CRLF2: variants seen among roughly 807,000 people sequenced by gnomAD.
CRLF2 encodes cytokine receptor-like factor 2.
Under a neutral mutation model 38.7 loss-of-function variants are expected in CRLF2, and 41 were observed. The ratio of observed to expected loss-of-function variants is 1.06; its 90% confidence interval spans 0.83 to 1.37. The LOEUF (loss-of-function observed/expected upper bound fraction) is 1.37. Among genes scored for constraint, CRLF2 ranks in the 40% most tolerant of loss-of-function variants. The pLI is 0.00. For missense variants in CRLF2, 377 were observed against 322.2 expected (o/e 1.17, Z -1.30); for synonymous variants, 140 against 128.8 (o/e 1.09, Z -0.59).
chrX:1,208,236 ACT>A (rs1323773338), intron 2 of CRLF2, among the ~76,000 whole-genome samples: 1 of 151,966 alleles, frequency 6.6e-6, no homozygotes, highest in Admixed American at 6.6e-5. Flanking sequence ...GGTGAACAAA[ACT>A]CTCTGTTAAT....
intron 6 of CRLF2, among the ~76,000 whole-genome samples, chrX:1,195,906 T>C (rs1308463996): frequency 1.4e-5 from 2 of 141,354 alleles, no homozygotes; most frequent in Non-Finnish European, 3.0e-5. Flanking sequence ...TAAATATGTA[T>C]TTATATATTT....
chrX:1,209,401 G>A (rs1412763199), intron 1 of CRLF2, among the ~76,000 whole-genome samples: 13 of 151,142 alleles, frequency 8.6e-5, no homozygotes, highest in African/African-American at 3.2e-4. Flanking sequence ...GCGCAATCTC[G>A]GCTCACTGCA....
At chrX:1,197,767 C>T (rs9330635) in intron 5 of CRLF2, among the ~76,000 whole-genome samples, 87,381 of 150,926 alleles carry the variant, frequency 0.58, 25,958 homozygotes, top group East Asian at 0.78. Context: ...TGAGCCAAGA[C>T]CGTGCCACTG....
In CRLF2 at chrX:1,198,424, C is replaced by A; in HGVS notation, c.646+138G>T. 3 of 673,486 alleles carry A rather than the reference C, an allele frequency of 4.5e-6. No homozygotes were observed. The South Asian group carries it at 4.9e-5, about 11-fold the overall frequency. 41.7% of individuals were successfully genotyped at this position (673,486 alleles called of 1,614,324 possible). On this transcript the variant is annotated intron_variant, in intron 5 of 7. Coordinates refer to ENST00000400841, the MANE Select transcript of CRLF2 (RefSeq NM_022148.4). Reference sequence around the variant, plus strand: ...CGAAGGCAGGACACCCTCCCTCCCACCTCCCAGGAAGGCAGGACACCCTCC... The same window carrying A: ...CGAAGGCAGGACACCCTCCCTCCCAACTCCCAGGAAGGCAGGACACCCTCC...
rs1354890401 is a variant in CRLF2 at position 1,193,391 on chromosome X, G to T, written c.768-89C>A. ...GCACCTACAGGGCATGGACCCCAGGGACAGACCAAGAATGGCAGAGCGGGG... is the reference window on the plus strand; with the variant it reads ...GCACCTACAGGGCATGGACCCCAGGTACAGACCAAGAATGGCAGAGCGGGG... On this transcript the variant is annotated intron_variant, in intron 6 of 7. Transcript: ENST00000400841. The T allele has an allele frequency of 5.0e-5, 20 of 397,886 alleles. 1 individual carries two copies. In the East Asian group the frequency reaches 6.8e-4, roughly 13 times the overall value. The allele number at this position is 397,886 out of a possible 1,614,324, so 24.6% of individuals were successfully genotyped here.
chrX:1,207,503 C>T (rs1355619572), intron 2 of CRLF2, among the ~76,000 whole-genome samples: 4 of 8,038 alleles, frequency 5.0e-4, no homozygotes, highest in Non-Finnish European at 9.0e-4. Context: ...GGTGATCCAC[C>T]CCCCCCCCCC....
At chrX:1,193,665 C>T (rs2086431736) in intron 6 of CRLF2, among the ~76,000 whole-genome samples, 2 of 151,730 alleles carry the variant, frequency 1.3e-5, no homozygotes, top group South Asian at 4.2e-4. Context: ...ACCTGTAGTC[C>T]CAGCTACTCG....
At chrX:1,198,509 C>T in intron 5 of CRLF2, 53 bp downstream of exon 5, 1 of 1,602,936 alleles carries the variant, frequency 6.2e-7, no homozygotes, top group Non-Finnish European at 8.5e-7. Context: ...GTGGCTATGC[C>T]TACTCCAGCC....
chrX:1,209,304 G>GTGTAT (rs2086750378), intron 1 of CRLF2, among the ~76,000 whole-genome samples: 4 of 134,346 alleles, frequency 3.0e-5, no homozygotes, highest in African/African-American at 1.3e-4. Flanking sequence ...TTGTAGTGTA[G>GTGTAT]TGTAGTGTAG....
rs1180483734 is a variant in CRLF2 at position 1,210,110 on chromosome X, AAAAAAG to A, written c.80-1208_80-1203del. ...CACAGCAAGACTCCCTATCAAAAAA[AAAAAAG>A]AAAAGAAAAGAAAAGAAAAGAAAAG... On this transcript the variant is annotated intron_variant, in intron 1 of 7. Transcript: ENST00000400841. Among the ~76,000 whole-genome samples, 104 of 98,054 alleles carry A rather than the reference AAAAAAG, an allele frequency of 1.1e-3. 1 individual carries two copies. The highest frequency in any genetic ancestry group is 4.0e-3 in the African/African-American group (95 of 23,544). 64.3% of individuals were successfully genotyped at this position (98,054 alleles called of 152,430 possible). A position where few individuals can be genotyped will look rare whatever the true frequency, so the allele number is the denominator to read the frequency against.
rs1569468831 is a variant in CRLF2, at chrX:1,198,154, TCGAAGGCAGGACACCC to T, written c.646+392_646+407del. ...AAGGCAGGACACCCTCCCTCCCACC[TCGAAGGCAGGACACCC>T]TCCCTCCCACCTCCCAGGAAGGCAG... On this transcript the variant is annotated intron_variant, in intron 5 of 7. Transcript: ENST00000400841. Among the ~76,000 whole-genome samples the T allele has an allele frequency of 6.9e-3, 839 of 122,278 alleles. 5 individuals carry two copies. The highest frequency in any genetic ancestry group is 8.8e-3 in the Middle Eastern group (2 of 228). The allele number at this position is 122,278 out of a possible 152,430, so 80.2% of individuals were successfully genotyped here.
chrX:1,197,174 C>G (rs757701864), intron 5 of CRLF2, among the ~76,000 whole-genome samples: 4 of 148,934 alleles, frequency 2.7e-5, no homozygotes, highest in East Asian at 2.0e-4. Flanking sequence ...CTCACTGCAA[C>G]CTCCGTCTCC....
intron 1 of CRLF2, 126 bp from the exon 2 acceptor site, chrX:1,209,034 C>G (rs2086741159): frequency 3.3e-6 from 2 of 603,312 alleles, no homozygotes; most frequent in South Asian, 4.8e-5. Context: ...ATGGCACGAT[C>G]TCGGCTCACT....
In CRLF2 at chrX:1,196,910, A is replaced by G. The variant is rs746024459; in HGVS notation, c.647-10T>C. 6.2e-7 allele frequency: 1 copy of G among 1,611,284 alleles called. No homozygotes were observed. The highest frequency in any genetic ancestry group is 1.1e-5 in the South Asian group (1 of 90,834). On this transcript the variant is annotated splice_polypyrimidine_tract_variant and intron_variant, in intron 5 of 7. Transcript: ENST00000400841. ...GTCTCTGCACAGGCATCTGAAACAA[A>G]ATGAAAAGGCGGCTGTCAGTTTTCA...
chrX:1,206,319 T>G, intron 3 of CRLF2, 114 bp downstream of exon 3: 1 of 915,662 alleles, frequency 1.1e-6, no homozygotes, highest in East Asian at 2.4e-5. Flanking sequence ...TGCTTCTCAA[T>G]AGTTAACGGT....
intron 3 of CRLF2, 62 bp downstream of exon 3, chrX:1,206,371 C>T: frequency 1.3e-6 from 2 of 1,482,828 alleles, no homozygotes; most frequent in Admixed American, 3.4e-5. Flanking sequence ...GTTTTCAGTC[C>T]TTGTGGTAAT....
rs1449705297 is a variant in CRLF2, at chrX:1,198,756, C to T, written c.484-32G>A. 9.7e-5 allele frequency: 132 copies of T among 1,365,550 alleles called. 1 individual carries two copies. The highest frequency in any genetic ancestry group is 5.2e-4 in the South Asian group (42 of 80,780). 84.6% of individuals were successfully genotyped at this position (1,365,550 alleles called of 1,614,324 possible). On this transcript the variant is annotated intron_variant, in intron 4 of 7. Coordinates refer to ENST00000400841, the MANE Select transcript of CRLF2 (RefSeq NM_022148.4). ...AAACATACACACACACACACACACA[C>T]ACACACACACACACACACACACACA...
At chrX:1,197,327 C>A (rs1240438168) in intron 5 of CRLF2, among the ~76,000 whole-genome samples, 2 of 150,996 alleles carry the variant, frequency 1.3e-5, no homozygotes, top group Non-Finnish European at 2.9e-5. Flanking sequence ...AGCAAATTTT[C>A]ATTCCTATGG....
Position 1,190,873 on chromosome X carries a change from T to C in CRLF2, c.*24A>G, listed in dbSNP as rs1385414659. ...TTAAATGTCAACGTGGATCCTGACG[T>C]TGACTTTGACAGTGGTGTGTCCATC... On this transcript the variant is annotated 3_prime_UTR_variant, in exon 8 of 8. Transcript: ENST00000400841. 1.0e-5 allele frequency: 4 copies of C among 398,566 alleles called. No homozygotes were observed. The highest frequency in any genetic ancestry group is 1.8e-5 in the Non-Finnish European group (4 of 226,096). 24.7% of individuals were successfully genotyped at this position (398,566 alleles called of 1,614,324 possible).
Sources: allele counts gnomAD v4.1 joint callset (sites outside exome capture counted in the v4.1 genomes callset), GRCh38; gene constraint gnomAD v4.1.1; transcripts MANE v1.5; gene names NCBI Gene and HGNC (gene_info 2026-07-23, HGNC 2026-07-21).